Variants in DEUP1 observed in about 807,000 individuals in gnomAD.
The protein encoded by DEUP1 is coiled-coil domain containing 67.
DEUP1 carries 82 observed loss-of-function variants against 87.4 expected under a neutral mutation model. The ratio of observed to expected loss-of-function variants is 0.94; its 90% confidence interval spans 0.78 to 1.13. The LOEUF is 1.13. DEUP1 is among the 50% of genes most tolerant of loss of function. DEUP1 has a pLI of 0.00. For synonymous variants in DEUP1, 214 were observed against 222.7 expected (o/e 0.96, Z 0.35); for missense variants, 663 against 681.5 (o/e 0.97, Z 0.30).
rs1367133395 is a variant in DEUP1 at position 93,372,388 on chromosome 11, A to G, written c.789+1108A>G. Among the ~76,000 whole-genome samples the G allele has an allele frequency of 2.0e-5, 3 of 152,102 alleles. No homozygotes were observed. In the East Asian group the frequency reaches 5.8e-4, roughly 29 times the overall value. ...CTCTATTCCCTCGTCTACCTAGCAT[A>G]CATGATTGAGGTAAGGTCACTGCCT... On this transcript the variant is annotated intron_variant, in intron 7 of 13. Transcript: ENST00000298050.
intron 13 of DEUP1, 62 bp from the exon 14 acceptor site, chr11:93,437,481 A>G: frequency 7.6e-7 from 1 of 1,317,574 alleles, no homozygotes; most frequent in East Asian, 2.4e-5. Flanking sequence ...GCATGCCTGG[A>G]AATGGGAAGA....
rs576548201 is a variant in DEUP1, at chr11:93,415,134, CT to C, written c.1638+29del. On this transcript the variant is annotated intron_variant, in intron 13 of 13. Transcript: ENST00000298050. ...CCACTGGTGAGTTGCTGGTTGTGGG[CT>C]TTTTTTTTCTTTAATGGGTTATTGC... 412 of 1,385,094 alleles carry C rather than the reference CT, an allele frequency of 3.0e-4. 2 individuals are homozygous for C. The highest frequency in any genetic ancestry group is 2.5e-3 in the South Asian group (207 of 83,540). 85.8% of individuals were successfully genotyped at this position (1,385,094 alleles called of 1,614,324 possible).
intron 9 of DEUP1, among the ~76,000 whole-genome samples, chr11:93,393,317 A>ATT (rs147291187): frequency 6.7e-6 from 1 of 150,116 alleles, no homozygotes; most frequent in African/African-American, 2.5e-5. Flanking sequence ...ATGCCTTTTT[A>ATT]TTTTTTTTAT....
At chr11:93,361,490 T>C (rs1279344188) in intron 4 of DEUP1, among the ~76,000 whole-genome samples, 3 of 152,094 alleles carry the variant, frequency 2.0e-5, no homozygotes, top group Non-Finnish European at 4.4e-5. Context: ...AAGATAATTG[T>C]GTTATAAATG....
At chr11:93,419,568 T>C (rs1308298864) in intron 13 of DEUP1, among the ~76,000 whole-genome samples, 1 of 152,266 alleles carries the variant, frequency 6.6e-6, no homozygotes, top group African/African-American at 2.4e-5. Context: ...CCACCAACTA[T>C]GAGTTGCATG....
intron 13 of DEUP1, among the ~76,000 whole-genome samples, chr11:93,428,353 C>A (rs936278838): frequency 5.9e-5 from 9 of 151,792 alleles, no homozygotes; most frequent in African/African-American, 9.7e-5. Context: ...GAACAAAAAA[C>A]CAAACACCAC....
chr11:93,394,838 A>G (rs1450393125), intron 10 of DEUP1, among the ~76,000 whole-genome samples, 182 bp downstream of exon 10: 3 of 152,168 alleles, frequency 2.0e-5, no homozygotes, highest in African/African-American at 7.2e-5. Context: ...TGTCACCAAC[A>G]AAAAGGACTA....
chr11:93,341,727 G>T (rs1944089003), intron 2 of DEUP1, among the ~76,000 whole-genome samples: 1 of 152,160 alleles, frequency 6.6e-6, no homozygotes, highest in South Asian at 2.1e-4. Flanking sequence ...GTCTCTTAAA[G>T]ATGCGGTATG....
intron 11 of DEUP1, among the ~76,000 whole-genome samples, chr11:93,399,695 A>G (rs1345595221): frequency 6.6e-6 from 1 of 151,878 alleles, no homozygotes; most frequent in Admixed American, 6.6e-5. Flanking sequence ...GAAAAAATAC[A>G]AATTATCTTA....
intron 7 of DEUP1, among the ~76,000 whole-genome samples, chr11:93,383,001 G>A (rs1055298482): frequency 6.6e-5 from 10 of 152,114 alleles, no homozygotes; most frequent in African/African-American, 2.2e-4. Flanking sequence ...ACTGAACACA[G>A]GCCTCCTGGA....
intron 13 of DEUP1, among the ~76,000 whole-genome samples, chr11:93,430,860 C>A (rs1243625604): frequency 2.0e-5 from 3 of 152,040 alleles, no homozygotes; most frequent in Non-Finnish European, 4.4e-5. Context: ...CTTTGGGAAG[C>A]CGAGGTGGTC....
At position 93,436,707 on chromosome 11, in the gene DEUP1, A is replaced by C. The variant is rs57673628; in HGVS notation, c.1639-836A>C. On this transcript the variant is annotated intron_variant, in intron 13 of 13. Coordinates refer to ENST00000298050, the MANE Select transcript of DEUP1 (RefSeq NM_181645.4). ...ACAGATTGTCGACTCCCCAAACACTACATAAAGTCCCATTCTTCCTACCAA... is the reference window on the plus strand; with the variant it reads ...ACAGATTGTCGACTCCCCAAACACTCCATAAAGTCCCATTCTTCCTACCAA... Among the ~76,000 whole-genome samples the C allele has an allele frequency of 7.6e-3, 1,156 of 152,308 alleles. 15 individuals are homozygous for C. Among genetic ancestry groups the C allele is most frequent in the African/African-American group, 0.027 (1,114 of 41,562 alleles).
upstream of DEUP1, chr11:93,330,391 G>C (rs1177424068): frequency 6.6e-6 from 1 of 152,540 alleles, no homozygotes; most frequent in East Asian, 1.9e-4. Flanking sequence ...TAGGCAGTGG[G>C]ACTACAAAGA....
At chr11:93,373,613 G>GTATATATATATACA (rs1221858796) in intron 7 of DEUP1, among the ~76,000 whole-genome samples, 4 of 51,098 alleles carry the variant, frequency 7.8e-5, no homozygotes, top group African/African-American at 2.4e-4. Flanking sequence ...ATTTATATAT[G>GTATATATATATACA]TATATATATA....
At chr11:93,357,842 A>G (rs1023723887) in intron 4 of DEUP1, among the ~76,000 whole-genome samples, 3 of 152,196 alleles carry the variant, frequency 2.0e-5, no homozygotes, top group African/African-American at 7.2e-5. Context: ...AGATTGAAAT[A>G]TGAAACATTT....
chr11:93,385,973 A>G (rs532445353), intron 8 of DEUP1, among the ~76,000 whole-genome samples: 1 of 151,888 alleles, frequency 6.6e-6, no homozygotes, highest in East Asian at 1.9e-4. Flanking sequence ...GGGTCGCTTG[A>G]GCCTGGAAGG....
Position 93,415,082 on chromosome 11 carries a change from C to A in DEUP1, c.1606C>A (p.Pro536Thr). The A allele has an allele frequency of 6.2e-7, 1 of 1,609,836 alleles. No individual in the cohort carries two copies. The highest frequency in any genetic ancestry group is 8.5e-7 in the Non-Finnish European group (1 of 1,178,288). The change falls in exon 13 of 14, where the codon CCT becomes ACT. Residue 536 changes from proline (P) to threonine (T), a missense_variant. Transcript: ENST00000298050. Reference protein sequence around the residue: ...STFQAKEMTSPLVSDDDVFPL... With the variant: ...STFQAKEMTSTLVSDDDVFPL... ...ATTTCAAGCCAAAGAAATGACAAGT[C>A]CTTTGGTTAGTGATGATGATGTATT...
chr11:93,402,385 G>A (rs938595028), intron 11 of DEUP1, among the ~76,000 whole-genome samples: 5 of 151,946 alleles, frequency 3.3e-5, no homozygotes, highest in Admixed American at 6.6e-5. Flanking sequence ...TGGACGAAGG[G>A]GAACCCTCAT....
rs779342804 is a variant in DEUP1 at position 93,332,227 on chromosome 11, A to C, written c.-33A>C. On this transcript the variant is annotated 5_prime_UTR_variant, in exon 2 of 14. Coordinates refer to ENST00000298050, the MANE Select transcript of DEUP1 (RefSeq NM_181645.4). ...TTTCCTCCTAACAGATTAAAAATCA[A>C]GAAATATAAACCAGATGTAGCAGTT... is the stretch of plus-strand genomic sequence containing the variant. 1.3e-6 allele frequency: 2 copies of C among 1,589,940 alleles called. No individual in the cohort carries two copies. The highest frequency in any genetic ancestry group is 2.7e-5 in the African/African-American group (2 of 74,618).
Sources: gnomAD v4.1 joint callset for allele counts (sites outside exome capture counted in the v4.1 genomes callset) on GRCh38, gnomAD v4.1.1 for gene constraint, MANE v1.5 for transcripts, NCBI Gene and HGNC (gene_info 2026-07-23, HGNC 2026-07-21) for gene names.